PAPPA2: variants seen among roughly 807,000 people sequenced by gnomAD.
PAPPA2 encodes the protein pappalysin 2, also known as pappalysin-2.
PAPPA2 carries 86 observed loss-of-function variants against 176.4 expected under a neutral mutation model. That is an observed-to-expected ratio of 0.49 (90% CI 0.41 to 0.58). PAPPA2 has a LOEUF of 0.58. PAPPA2 is among the 20% of genes least tolerant of loss of function. The probability of loss-of-function intolerance (pLI) is 0.00; values close to 1 mark genes in which losing one functional copy is unlikely to be tolerated. For missense variants in PAPPA2, 2,073 were observed against 2,256.9 expected (o/e 0.92, Z 1.65); for synonymous variants, 809 against 852.2 (o/e 0.95, Z 0.88).
At chr1:176,499,564 G>C (rs1411677747) in intron 1 of PAPPA2, among the ~76,000 whole-genome samples, 1 of 152,160 alleles carries the variant, frequency 6.6e-6, no homozygotes, top group African/African-American at 2.4e-5. Flanking sequence ...CTTCTGTGGA[G>C]TGTATTTATG....
intron 21 of PAPPA2, among the ~76,000 whole-genome samples, chr1:176,819,700 CT>C (rs1666577176): frequency 6.6e-6 from 1 of 152,310 alleles, no homozygotes; most frequent in African/African-American, 2.4e-5. Flanking sequence ...CATAGCCATA[CT>C]GCAGGTGATA....
intron 2 of PAPPA2, among the ~76,000 whole-genome samples, chr1:176,576,474 GGT>G (rs10583497): frequency 0.035 from 5,281 of 150,096 alleles, 142 homozygotes; most frequent in South Asian, 0.14. Flanking sequence ...ACGTCAATGG[GGT>G]GTGTGTGTGT....
chr1:176,700,098 C>A lies in PAPPA2; in HGVS notation c.3236+509C>A, dbSNP rs557984224. 1.1e-4 allele frequency among the ~76,000 whole-genome samples: 17 copies of A among 152,302 alleles called. No homozygotes were observed. In the East Asian group the frequency reaches 3.3e-3, roughly 29 times the overall value. On this transcript the variant is annotated intron_variant, in intron 8 of 22. Transcript: ENST00000367662. ...CCTTCTCTCATTTTCCCCCCTCACA[C>A]CCCAATAACCAACTCTCTTTTATCT... is the stretch of plus-strand genomic sequence containing the variant.
intron 1 of PAPPA2, among the ~76,000 whole-genome samples, chr1:176,541,141 T>C (rs568876520): frequency 1.8e-4 from 28 of 152,342 alleles, no homozygotes; most frequent in African/African-American, 6.3e-4. Flanking sequence ...GATCACTTGA[T>C]AGAATGTGCT....
intron 21 of PAPPA2, among the ~76,000 whole-genome samples, chr1:176,809,633 G>A (rs1387290673): frequency 6.6e-6 from 1 of 152,084 alleles, no homozygotes; most frequent in Non-Finnish European, 1.5e-5. Context: ...CTCAGGTGGT[G>A]GAAAATAAGG....
Position 176,739,734 on chromosome 1 carries a change from G to T in PAPPA2, c.3907G>T (p.Asp1303Tyr), listed in dbSNP as rs768631407. 1.9e-6 allele frequency: 3 copies of T among 1,613,596 alleles called. No individual in the cohort carries two copies. The highest frequency in any genetic ancestry group is 2.5e-6 in the Non-Finnish European group (3 of 1,179,818). ...GCCGACAGTGACTCTCTACCTGACC[G>T]ATGTCCGTGGAAGCAACCACTCTCT... ...QQPTVTLYLT[D>Y]VRGSNHSLGT... The change falls in exon 13 of 23, where the codon GAT becomes TAT. Residue 1303 changes from aspartate to tyrosine, a missense_variant. This residue lies in a region of PAPPA2 where 846 missense variants were observed against 857.9 expected (regional missense o/e 0.99). Coordinates refer to ENST00000367662, the MANE Select transcript of PAPPA2 (RefSeq NM_020318.3).
intron 1 of PAPPA2, among the ~76,000 whole-genome samples, chr1:176,544,512 A>G (rs1573019723): frequency 6.6e-6 from 1 of 152,296 alleles, no homozygotes; most frequent in Non-Finnish European, 1.5e-5. Context: ...CGAGTAGGAA[A>G]TCCCGACTGT....
At chr1:176,469,993 AT>A (rs1651799227) in intron 1 of PAPPA2, among the ~76,000 whole-genome samples, 1 of 152,146 alleles carries the variant, frequency 6.6e-6, no homozygotes, top group Non-Finnish European at 1.5e-5. Context: ...CTTGGTAGGG[AT>A]TTTTATGGGG....
Position 176,574,500 on chromosome 1 carries a change from A to T in PAPPA2, c.919+17259A>T, listed in dbSNP as rs557371675. On this transcript the variant is annotated intron_variant, in intron 2 of 22. Coordinates refer to ENST00000367662, the MANE Select transcript of PAPPA2 (RefSeq NM_020318.3). ...TACCTAGGATATTGTTTACCATTTT[A>T]AAAAAAATTTTCAATTGACTGCTGG... Among the ~76,000 whole-genome samples the T allele has an allele frequency of 3.3e-3, 508 of 152,186 alleles. 1 individual carries two copies. The highest frequency in any genetic ancestry group is 5.1e-3 in the Non-Finnish European group (346 of 67,996).
intron 16 of PAPPA2, 118 bp downstream of exon 16, chr1:176,769,902 C>T (rs1337111032): frequency 1.8e-6 from 2 of 1,133,376 alleles, no homozygotes; most frequent in Non-Finnish European, 2.5e-6. Flanking sequence ...ACTGTGTCAC[C>T]ATCTTCTGAT....
At chr1:176,603,490 C>G (rs1178827266) in intron 3 of PAPPA2, among the ~76,000 whole-genome samples, 1 of 152,158 alleles carries the variant, frequency 6.6e-6, no homozygotes, top group African/African-American at 2.4e-5. Context: ...TCCATCAGAG[C>G]ACCAGCCTCT....
intron 2 of PAPPA2, among the ~76,000 whole-genome samples, chr1:176,573,483 G>T (rs1465167879): frequency 6.6e-6 from 1 of 152,012 alleles, no homozygotes; most frequent in Non-Finnish European, 1.5e-5. Context: ...AGAATGCTCA[G>T]GAAATTTCAC....
intron 1 of PAPPA2, among the ~76,000 whole-genome samples, chr1:176,520,500 A>G (rs554631679): frequency 5.9e-5 from 9 of 152,318 alleles, no homozygotes; most frequent in African/African-American, 2.2e-4. Context: ...ACCAACATTG[A>G]AGATCCTGTC....
At chr1:176,708,923 C>T (rs1041014398) in intron 10 of PAPPA2, among the ~76,000 whole-genome samples, 8 of 151,972 alleles carry the variant, frequency 5.3e-5, no homozygotes, top group African/African-American at 1.9e-4. Flanking sequence ...ATTTTCATGT[C>T]CTATTTTTAA....
intron 17 of PAPPA2, among the ~76,000 whole-genome samples, chr1:176,779,229 A>G (rs2102922749): frequency 2.0e-5 from 3 of 152,202 alleles, no homozygotes. Context: ...TTCAACCTGT[A>G]ACTTCACCCC....
intron 1 of PAPPA2, among the ~76,000 whole-genome samples, chr1:176,496,957 AG>A (rs1181262356): frequency 4.6e-5 from 7 of 152,166 alleles, no homozygotes; most frequent in Non-Finnish European, 8.8e-5. Flanking sequence ...AGCATGGCAT[AG>A]GGCCAGAAAC....
At position 176,750,660 on chromosome 1, in the gene PAPPA2, C is replaced by T. The variant is rs145569085; in HGVS notation, c.4151+10464C>T. Among the ~76,000 whole-genome samples the T allele has an allele frequency of 2.4e-3, 372 of 151,946 alleles. 11 individuals are homozygous for T. In the East Asian group the frequency reaches 0.062, roughly 25 times the overall value. On this transcript the variant is annotated intron_variant, in intron 14 of 22. Coordinates refer to ENST00000367662, the MANE Select transcript of PAPPA2 (RefSeq NM_020318.3). ...CAACAACAACAACAAACAATTAGCA[C>T]GTATTTGATATATTAAATGTATTAT... is the stretch of plus-strand genomic sequence containing the variant.
chr1:176,610,796 A>G (rs555322807), intron 3 of PAPPA2, among the ~76,000 whole-genome samples: 3 of 152,314 alleles, frequency 2.0e-5, no homozygotes, highest in African/African-American at 4.8e-5. Context: ...AAGAGTCACA[A>G]TGGCCTTTTT....
chr1:176,830,402 C>T (rs553122932), intron 21 of PAPPA2, among the ~76,000 whole-genome samples: 10 of 152,186 alleles, frequency 6.6e-5, no homozygotes, highest in Non-Finnish European at 1.2e-4. Flanking sequence ...TTGGATACTG[C>T]GCTGATGCAC....
Sources: allele counts gnomAD v4.1 joint callset (sites outside exome capture counted in the v4.1 genomes callset), GRCh38; gene constraint gnomAD v4.1.1; regional missense constraint gnomAD v4.1.1; transcripts MANE v1.5; gene names NCBI Gene and HGNC (gene_info 2026-07-23, HGNC 2026-07-21).